Variants in TRIM44 observed in about 807,000 individuals in gnomAD.
The protein encoded by TRIM44 is tripartite motif-containing protein 44.
A neutral mutation model predicts 37.4 loss-of-function variants in TRIM44; 13 were observed. The ratio of observed to expected loss-of-function variants is 0.35; its 90% CI spans 0.23 to 0.55. The LOEUF (loss-of-function observed/expected upper bound fraction) is 0.55. Ranked by LOEUF, TRIM44 falls within the 20% of genes least tolerant of loss-of-function variation. The pLI, the probability that TRIM44 is intolerant of heterozygous loss-of-function variation, is 0.89. For missense variants in TRIM44, 426 were observed against 437.2 expected (o/e 0.97, Z 0.23); for synonymous variants, 175 against 157.2 (o/e 1.11, Z -0.85).
intron 2 of TRIM44, among the ~76,000 whole-genome samples, chr11:35,701,521 A>G (rs1851788732): frequency 6.6e-6 from 1 of 152,194 alleles, no homozygotes; most frequent in Admixed American, 6.5e-5. Context: ...ATCTCAAACC[A>G]GAAAGTACTC....
chr11:35,717,804 A>G (rs117472221), intron 2 of TRIM44, among the ~76,000 whole-genome samples: 141 of 152,220 alleles, frequency 9.3e-4, no homozygotes, highest in Non-Finnish European at 1.7e-3. Flanking sequence ...GATCTTGGGC[A>G]AGTAGCTGAA....
intron 4 of TRIM44, among the ~76,000 whole-genome samples, chr11:35,751,079 C>T (rs1794026933): frequency 6.6e-6 from 1 of 152,118 alleles, no homozygotes; most frequent in Admixed American, 6.5e-5. Flanking sequence ...AAACAAGCAA[C>T]CCAGCACATT....
At chr11:35,683,165 A>G (rs148800141) in intron 1 of TRIM44, among the ~76,000 whole-genome samples, 1 of 152,336 alleles carries the variant, frequency 6.6e-6, no homozygotes, top group East Asian at 1.9e-4. Context: ...GCTTCCTGGT[A>G]TATGACCTCT....
At chr11:35,732,519 G>A (rs977609946) in intron 3 of TRIM44, among the ~76,000 whole-genome samples, 10 of 152,052 alleles carry the variant, frequency 6.6e-5, no homozygotes, top group African/African-American at 1.7e-4. Context: ...TGTTAGGTGC[G>A]GTGAATACAG....
intron 2 of TRIM44, among the ~76,000 whole-genome samples, chr11:35,685,909 T>C (rs1332779257): frequency 6.6e-6 from 1 of 152,080 alleles, no homozygotes; most frequent in Admixed American, 6.6e-5. Context: ...TGATCCGCCC[T>C]CCTCGTCCTC....
At chr11:35,678,610 T>TCCCTC (rs1382530248) in intron 1 of TRIM44, among the ~76,000 whole-genome samples, 3 of 146,506 alleles carry the variant, frequency 2.0e-5, no homozygotes, top group Admixed American at 1.4e-4. Flanking sequence ...CTCTCCCCGC[T>TCCCTC]CCCTCCCCTC....
At chr11:35,793,208 TA>T (rs148315243) in intron 4 of TRIM44, among the ~76,000 whole-genome samples, 6,957 of 151,262 alleles carry the variant, frequency 0.046, 534 homozygotes, top group African/African-American at 0.16. Flanking sequence ...GCTTCTTTTT[TA>T]AAAAACAAAC....
In TRIM44 at chr11:35,706,289, G is replaced by C. The variant is rs1421845056; in HGVS notation, c.748-19635G>C. ...CAATCAATAGCTTACCAACCAAAAAGAGTCCAGGACCAGATGGATTCACAG... is the reference window on the plus strand; with the variant it reads ...CAATCAATAGCTTACCAACCAAAAACAGTCCAGGACCAGATGGATTCACAG... On this transcript the variant is annotated intron_variant, in intron 2 of 4. Coordinates refer to ENST00000299413, the MANE Select transcript of TRIM44 (RefSeq NM_017583.6). Among the ~76,000 whole-genome samples the C allele has an allele frequency of 6.0e-5, 9 of 151,164 alleles. 2 individuals carry two copies. Among genetic ancestry groups the C allele is most frequent in the Non-Finnish European group, 1.5e-5 (1 of 67,480 alleles).
chr11:35,716,959 AT>A (rs1245647798), intron 2 of TRIM44, among the ~76,000 whole-genome samples: 1 of 152,226 alleles, frequency 6.6e-6, no homozygotes, highest in Non-Finnish European at 1.5e-5. Flanking sequence ...CAGTATACAC[AT>A]AAAGTGCTTA....
intron 4 of TRIM44, among the ~76,000 whole-genome samples, chr11:35,773,067 C>T (rs1426054745): frequency 1.3e-5 from 2 of 152,134 alleles, no homozygotes; most frequent in Non-Finnish European, 2.9e-5. Flanking sequence ...GAATAAGGCT[C>T]ACAAGATCTG....
At chr11:35,795,197 G>A (rs1565033923) in intron 4 of TRIM44, among the ~76,000 whole-genome samples, 1 of 152,046 alleles carries the variant, frequency 6.6e-6, no homozygotes. Flanking sequence ...GGGAGAGAGG[G>A]GCCAAAGCAT....
intron 4 of TRIM44, among the ~76,000 whole-genome samples, chr11:35,762,024 G>A (rs1170963187): frequency 2.6e-5 from 4 of 152,184 alleles, no homozygotes. Flanking sequence ...GACAGGCTAA[G>A]AGGGTGCTTT....
intron 2 of TRIM44, among the ~76,000 whole-genome samples, chr11:35,693,920 G>T (rs1851665690): frequency 6.6e-6 from 1 of 152,120 alleles, no homozygotes; most frequent in Non-Finnish European, 1.5e-5. Flanking sequence ...TGACTATTGG[G>T]AGGATAATAC....
chr11:35,718,724 T>C (rs188251958), intron 2 of TRIM44, among the ~76,000 whole-genome samples: 223 of 152,260 alleles, frequency 1.5e-3, no homozygotes, highest in African/African-American at 5.1e-3. Context: ...CCTTTTTATT[T>C]TCCCTTCCTC....
At position 35,704,556 on chromosome 11, in the gene TRIM44, G is replaced by A. The variant is rs551722142; in HGVS notation, c.747+19220G>A. 1.4e-4 allele frequency among the ~76,000 whole-genome samples: 22 copies of A among 152,264 alleles called. No homozygotes were observed. The South Asian group carries it at 2.3e-3, about 16-fold the overall frequency. On this transcript the variant is annotated intron_variant, in intron 2 of 4. Coordinates refer to ENST00000299413, the MANE Select transcript of TRIM44 (RefSeq NM_017583.6). ...AAGGGAAGCCCATCAGACTAACAGC[G>A]GATCTCTCGGCAGAAACTCTACAAG...
At chr11:35,685,884 G>A (rs745906518) in intron 2 of TRIM44, among the ~76,000 whole-genome samples, 94 of 152,084 alleles carry the variant, frequency 6.2e-4, no homozygotes, top group Admixed American at 1.3e-3. Flanking sequence ...GGCTGGTCTC[G>A]AACTCCTGAC....
intron 2 of TRIM44, 121 bp downstream of exon 2, chr11:35,685,457 T>G: frequency 1.3e-6 from 1 of 794,242 alleles, no homozygotes; most frequent in Non-Finnish European, 2.1e-6. Context: ...TAATTAAGCC[T>G]GCCCATCAGA....
At chr11:35,780,962 A>G (rs1047693478) in intron 4 of TRIM44, among the ~76,000 whole-genome samples, 1 of 152,180 alleles carries the variant, frequency 6.6e-6, no homozygotes, top group Non-Finnish European at 1.5e-5. Flanking sequence ...ATTTAACTCT[A>G]GTGGGAAGAG....
At position 35,776,329 on chromosome 11, in the gene TRIM44, G is replaced by A. The variant is rs544436960; in HGVS notation, c.1008-30029G>A. ...TATCCTCTTCATCATTTTTTATTGT[G>A]TCTATTTGATTCTTCTGTTTTCTTC... On this transcript the variant is annotated intron_variant, in intron 4 of 4. Coordinates refer to ENST00000299413, the MANE Select transcript of TRIM44 (RefSeq NM_017583.6). Among the ~76,000 whole-genome samples, 281 of 152,174 alleles carry A rather than the reference G, an allele frequency of 1.8e-3. 2 individuals are homozygous for A. The highest frequency in any genetic ancestry group is 6.5e-3 in the African/African-American group (269 of 41,520).
Sources: allele counts gnomAD v4.1 joint callset (sites outside exome capture counted in the v4.1 genomes callset), GRCh38; gene constraint gnomAD v4.1.1; transcripts MANE v1.5; gene names NCBI Gene and HGNC (gene_info 2026-07-23, HGNC 2026-07-21).